NEU3: variants seen among roughly 807,000 people sequenced by gnomAD.
NEU3 encodes the protein neuraminidase 3, also known as sialidase-3.
In NEU3, 10 loss-of-function variants were observed where a neutral mutation model predicts 11.4. That is an observed-to-expected ratio of 0.88 (90% CI 0.54 to 1.49). The LOEUF (loss-of-function observed/expected upper bound fraction) is 1.49, where lower values mean the gene tolerates loss of function less well. NEU3 is among the 40% of genes most tolerant of loss of function. The pLI is 0.00. For missense variants in NEU3, 529 were observed against 581.8 expected, an observed-to-expected ratio of 0.91 and a Z score of 0.93; for synonymous variants, 212 against 228.2, an observed-to-expected ratio of 0.93 and a Z score of 0.64.
At chr11:74,990,700 A>G (rs1445412814) in intron 1 of NEU3, among the ~76,000 whole-genome samples, 1 of 152,124 alleles carries the variant, frequency 6.6e-6, no homozygotes, top group Non-Finnish European at 1.5e-5. Context: ...CTCCATGCCT[A>G]TCCTGTGCTC....
At chr11:74,995,380 G>A (rs1342358483) in intron 2 of NEU3, among the ~76,000 whole-genome samples, 1 of 152,208 alleles carries the variant, frequency 6.6e-6, no homozygotes, top group Non-Finnish European at 1.5e-5. Context: ...TGGAGTTAGA[G>A]CCCTTCCTCT....
intron 3 of NEU3, among the ~76,000 whole-genome samples, chr11:75,016,723 T>C (rs895021365): frequency 3.9e-5 from 6 of 152,146 alleles, no homozygotes; most frequent in Admixed American, 2.0e-4. Context: ...CTCCTTTCAT[T>C]TGGCTTTATG....
intron 3 of NEU3, among the ~76,000 whole-genome samples, chr11:75,016,111 G>A (rs1948979984): frequency 6.6e-6 from 1 of 152,224 alleles, no homozygotes; most frequent in Non-Finnish European, 1.5e-5. Flanking sequence ...CATAAGCTAT[G>A]TCTGGACAGT....
chr11:75,007,995 A>G lies in NEU3; in HGVS notation c.*1503A>G, dbSNP rs1948916318. The stretch of plus-strand genomic sequence containing the variant: ...AGAGTCCTACAGGATAAAAGTGGAG[A>G]TTAACTTTACCTACTTTAGCAGATT... On this transcript the variant is annotated 3_prime_UTR_variant, in exon 3 of 3. Coordinates refer to ENST00000294064, the MANE Select transcript of NEU3 (RefSeq NM_006656.6). The G allele has an allele frequency of 6.6e-6, 1 of 152,108 alleles. No individual in the cohort carries two copies. Among genetic ancestry groups the G allele is most frequent in the Non-Finnish European group, 1.5e-5 (1 of 68,034 alleles). 9.4% of individuals were successfully genotyped at this position (152,108 alleles called of 1,614,324 possible). A position where few individuals can be genotyped will look rare whatever the true frequency, so the allele number is the denominator to read the frequency against.
chr11:74,986,547 A>G (rs1040977280), upstream of NEU3, among the ~76,000 whole-genome samples: 6 of 152,190 alleles, frequency 3.9e-5, no homozygotes, highest in African/African-American at 1.4e-4. Flanking sequence ...TTTTTCTAAA[A>G]CTGTATTAAC....
downstream of NEU3, among the ~76,000 whole-genome samples, chr11:75,014,252 G>A (rs2140258972): frequency 6.6e-6 from 1 of 152,348 alleles, no homozygotes; most frequent in Non-Finnish European, 1.5e-5. Context: ...ATTCTCTTAA[G>A]GTGTAAACAG....
upstream of NEU3, among the ~76,000 whole-genome samples, chr11:74,983,562 G>T (rs1270830408): frequency 1.3e-5 from 2 of 152,200 alleles, no homozygotes; most frequent in Non-Finnish European, 2.9e-5. Context: ...AGCGGCCAGA[G>T]GAGCTTCCTG....
intron 1 of NEU3, among the ~76,000 whole-genome samples, chr11:74,993,437 C>T (rs1260022953): frequency 2.0e-5 from 3 of 152,160 alleles, no homozygotes; most frequent in Non-Finnish European, 4.4e-5. Context: ...ATCTCCTGAC[C>T]TCGTGATCCG....
Position 75,007,910 on chromosome 11 carries a change from T to C in NEU3, c.*1418T>C, listed in dbSNP as rs1471043240. ...TTGTACAATGACCACAGAGAACAAG[T>C]CTTAGTCATGAAATATAGCCTAGGA... On this transcript the variant is annotated 3_prime_UTR_variant, in exon 3 of 3. Transcript: ENST00000294064. 1 of 151,704 alleles carries C rather than the reference T, an allele frequency of 6.6e-6. No homozygotes were observed. The highest frequency in any genetic ancestry group is 1.5e-5 in the Non-Finnish European group (1 of 67,930). 9.4% of individuals were successfully genotyped at this position (151,704 alleles called of 1,614,324 possible).
intron 2 of NEU3, chr11:75,004,322 G>A (rs1444996166): frequency 1.5e-6 from 1 of 676,252 alleles, no homozygotes; most frequent in Admixed American, 2.2e-5. Flanking sequence ...GTTTTGCCAT[G>A]TTGCCCAGAC....
Position 75,017,720 on chromosome 11 carries a change from C to G in NEU3, c.*2-971C>G, listed in dbSNP as rs1948987172. ...CTGGGCCTGTGAGCCAGGCTGAGTT[C>G]TCCTCTCTCAGGGCTATGGGGGGAT... On this transcript the variant is annotated intron_variant, in intron 3 of 3. Coordinates refer to the NEU3 transcript ENST00000529024. Among the ~76,000 whole-genome samples, 3 of 152,246 alleles carry G rather than the reference C, an allele frequency of 2.0e-5. No homozygotes were observed. In the South Asian group the frequency reaches 6.2e-4, roughly 32 times the overall value.
chr11:74,995,439 GC>G (rs1948780095), intron 2 of NEU3, among the ~76,000 whole-genome samples: 1 of 152,178 alleles, frequency 6.6e-6, no homozygotes, highest in African/African-American at 2.4e-5. Flanking sequence ...AAGGGTTACT[GC>G]TCTTTGGCCT....
At chr11:75,002,463 A>G (rs1948855746) in intron 2 of NEU3, among the ~76,000 whole-genome samples, 1 of 152,232 alleles carries the variant, frequency 6.6e-6, no homozygotes, top group African/African-American at 2.4e-5. Context: ...CCTACCTCTT[A>G]TAGGCAATCA....
chr11:74,989,100 T>C lies in NEU3; in HGVS notation c.40T>C (p.Ser14Pro). ...CCTGCCCCCGCGCCCCATGGAAGAA[T>C]CCCCGGCGTCCAGCTCTGCCCCGAC... ...ADLPPRPMEESPASSSAPTET... is the reference protein window; with the variant it reads ...ADLPPRPMEEPPASSSAPTET... Residue 14 changes from serine (S) to proline (P), a missense_variant, in exon 1 of 3, where the codon TCC (serine) becomes CCC (proline). By Grantham distance (74) the Ser-to-Pro change is moderately conservative. Transcript: ENST00000294064. The C allele has an allele frequency of 6.4e-7, 1 of 1,550,602 alleles. No homozygotes were observed. The highest frequency in any genetic ancestry group is 8.7e-7 in the Non-Finnish European group (1 of 1,146,830).
intron 1 of NEU3, among the ~76,000 whole-genome samples, chr11:74,992,579 A>G (rs574225688): frequency 6.6e-6 from 1 of 152,318 alleles, no homozygotes; most frequent in South Asian, 2.1e-4. Context: ...GAGAAGTGGA[A>G]CACCTGGTTT....
chr11:74,993,111 C>T (rs918961370), intron 1 of NEU3, among the ~76,000 whole-genome samples: 1 of 152,206 alleles, frequency 6.6e-6, no homozygotes, highest in African/African-American at 2.4e-5. Context: ...CACCTAGAAA[C>T]TTGGACTTTA....
In NEU3 at chr11:74,994,605, A is replaced by G. The variant is rs753244712; in HGVS notation, c.191A>G (p.Tyr64Cys). The G allele has an allele frequency of 7.4e-6, 12 of 1,613,864 alleles. No homozygotes were observed. The South Asian group carries it at 9.9e-5, about 13-fold the overall frequency. The change falls in exon 2 of 3, where the codon TAC (tyrosine) becomes TGC (cysteine). Residue 64 changes from tyrosine (Y) to cysteine (C), a missense_variant. Physicochemically the swap from Tyr to Cys is radical, Grantham distance 194. Coordinates refer to ENST00000294064, the MANE Select transcript of NEU3 (RefSeq NM_006656.6). ...ACCTACCGGATCCCAGCCCTGCTCTACATACCCCCCACCCACACCTTCCTG... is the reference window on the plus strand; with the variant it reads ...ACCTACCGGATCCCAGCCCTGCTCTGCATACCCCCCACCCACACCTTCCTG... ...GITYRIPALL[Y>C]IPPTHTFLAF...
intron 2 of NEU3, among the ~76,000 whole-genome samples, chr11:75,003,392 C>A (rs1442031348): frequency 6.6e-6 from 1 of 152,162 alleles, no homozygotes; most frequent in African/African-American, 2.4e-5. Context: ...TGTCATTCTT[C>A]ATTCTCTTGT....
intron 2 of NEU3, among the ~76,000 whole-genome samples, chr11:74,995,817 A>T (rs199981433): frequency 1.0e-4 from 12 of 119,624 alleles, no homozygotes; most frequent in African/African-American, 3.2e-4. Flanking sequence ...TATTATTATT[A>T]TTTTTCTAGA....
Sources: allele counts gnomAD v4.1 joint callset (sites outside exome capture counted in the v4.1 genomes callset), GRCh38; gene constraint gnomAD v4.1.1; transcripts MANE v1.5; gene names NCBI Gene and HGNC (gene_info 2026-07-23, HGNC 2026-07-21).